Variants in PTK2 observed in about 807,000 individuals in gnomAD.
PTK2 encodes protein tyrosine kinase 2.
PTK2 carries 45 observed loss-of-function variants against 150.1 expected under a neutral mutation model. That is an observed-to-expected ratio of 0.30 (90% CI 0.24 to 0.38). PTK2 has a LOEUF of 0.38. Among genes scored for constraint, PTK2 ranks in the 10% least tolerant of loss-of-function variants. The pLI, the probability that PTK2 is intolerant of heterozygous loss-of-function variation, is 1.00. For missense variants in PTK2, 919 were observed against 1,307.3 expected (o/e 0.70, Z 4.58); for synonymous variants, 432 against 449.2 (o/e 0.96, Z 0.48).
intron 12 of PTK2, among the ~76,000 whole-genome samples, chr8:140,794,315 G>A (rs1386593150): frequency 6.6e-6 from 1 of 152,120 alleles, no homozygotes; most frequent in Admixed American, 6.5e-5. Context: ...CACTGCTCTG[G>A]CTGTCATCTT....
At chr8:140,741,731 T>C (rs1056059735) in intron 20 of PTK2, among the ~76,000 whole-genome samples, 6 of 152,138 alleles carry the variant, frequency 3.9e-5, no homozygotes, top group Non-Finnish European at 8.8e-5. Context: ...TCTAGGAATA[T>C]GAAAACATTA....
intron 23 of PTK2, among the ~76,000 whole-genome samples, chr8:140,712,093 T>C (rs1180581623): frequency 6.6e-6 from 1 of 152,192 alleles, no homozygotes; most frequent in African/African-American, 2.4e-5. Context: ...CTAAGAGTTT[T>C]TGTTTATTTG....
chr8:140,935,979 A>G (rs1387477935), intron 1 of PTK2, among the ~76,000 whole-genome samples: 1 of 152,082 alleles, frequency 6.6e-6, no homozygotes, highest in Non-Finnish European at 1.5e-5. Context: ...ATCAGAGCCT[A>G]GGCAACAAAG....
intron 8 of PTK2, among the ~76,000 whole-genome samples, chr8:140,823,839 G>A (rs12542138): frequency 0.43 from 65,040 of 151,994 alleles, 14,716 homozygotes; most frequent in East Asian, 0.56. Flanking sequence ...GCCAGGCCCT[G>A]TATTTTCTTC....
At chr8:140,701,008 C>T (rs746606942) in exon 26 of PTK2, 1 of 1,613,880 alleles carries the variant, frequency 6.2e-7, no homozygotes, top group South Asian at 1.1e-5. Context: ...CTCGCAGGTC[C>T]AATACTGTAG....
intron 1 of PTK2, among the ~76,000 whole-genome samples, chr8:140,979,255 T>A (rs2100190504): frequency 2.8e-5 from 4 of 143,338 alleles, no homozygotes. Flanking sequence ...AACCTTAAAG[T>A]ATTAAAAAAA....
intron 23 of PTK2, among the ~76,000 whole-genome samples, chr8:140,711,765 G>T (rs1396912619): frequency 1.3e-5 from 2 of 152,158 alleles, no homozygotes; most frequent in African/African-American, 4.8e-5. Context: ...ATGCCACCGT[G>T]TCTCCCAATG....
At chr8:140,955,968 A>C (rs949828106) in intron 1 of PTK2, among the ~76,000 whole-genome samples, 2 of 152,186 alleles carry the variant, frequency 1.3e-5, no homozygotes, top group Non-Finnish European at 2.9e-5. Flanking sequence ...GGAAAAGGAG[A>C]GCATCCTTAG....
intron 4 of PTK2, among the ~76,000 whole-genome samples, chr8:140,868,798 C>T (rs936154083): frequency 6.6e-6 from 1 of 152,050 alleles, no homozygotes; most frequent in Non-Finnish European, 1.5e-5. Flanking sequence ...AAGGAACTGT[C>T]TCAGATTAGA....
intron 28 of PTK2, among the ~76,000 whole-genome samples, chr8:140,675,235 G>A (rs1384555521): frequency 2.0e-5 from 3 of 149,540 alleles, no homozygotes; most frequent in Non-Finnish European, 3.0e-5. Context: ...GCGTGATCTC[G>A]GCTCACTGCA....
At chr8:140,847,001 C>A (rs1467079474) in intron 5 of PTK2, among the ~76,000 whole-genome samples, 4 of 152,142 alleles carry the variant, frequency 2.6e-5, no homozygotes, top group Non-Finnish European at 5.9e-5. Context: ...ATAAAATGGT[C>A]TCCTATTAAG....
At chr8:140,820,086 T>G (rs999357555) in intron 8 of PTK2, among the ~76,000 whole-genome samples, 12 of 51,804 alleles carry the variant, frequency 2.3e-4, no homozygotes, top group South Asian at 1.5e-3. Flanking sequence ...GTTTTTTTTT[T>G]TTTTTTTTTT....
At chr8:140,712,558 G>A (rs1258624349) in intron 23 of PTK2, among the ~76,000 whole-genome samples, 1 of 151,966 alleles carries the variant, frequency 6.6e-6, no homozygotes, top group Non-Finnish European at 1.5e-5. Flanking sequence ...AATTAAGGGG[G>A]GAAAAAAGGA....
chr8:140,711,355 T>C (rs1270694226), intron 23 of PTK2, among the ~76,000 whole-genome samples: 2 of 152,140 alleles, frequency 1.3e-5, no homozygotes, highest in African/African-American at 2.4e-5. Flanking sequence ...GATCAGCTCA[T>C]CTTGGCTGCC....
At chr8:140,750,476 T>C (rs1257696321) in intron 17 of PTK2, 1 of 152,050 alleles carries the variant, frequency 6.6e-6, no homozygotes, top group Non-Finnish European at 1.5e-5. Flanking sequence ...TTAGGAATCA[T>C]TAGGAAGAAA....
intron 26 of PTK2, among the ~76,000 whole-genome samples, chr8:140,697,598 T>C (rs1259793440): frequency 6.6e-6 from 1 of 152,046 alleles, no homozygotes; most frequent in Non-Finnish European, 1.5e-5. Flanking sequence ...GCCAGTTTTG[T>C]ATTTCAGTAC....
chr8:140,673,621 C>T (rs980386016), intron 29 of PTK2, among the ~76,000 whole-genome samples: 1 of 152,178 alleles, frequency 6.6e-6, no homozygotes. Context: ...GAAGAGCCTC[C>T]TCCGTCAGAT....
intron 4 of PTK2, among the ~76,000 whole-genome samples, chr8:140,873,377 C>T (rs1160170852): frequency 1.3e-5 from 2 of 152,054 alleles, no homozygotes; most frequent in East Asian, 1.9e-4. Context: ...GTTGACAGTG[C>T]CTTCTATGTT....
chr8:140,682,549 C>A (rs527934418), intron 27 of PTK2, among the ~76,000 whole-genome samples: 2 of 151,192 alleles, frequency 1.3e-5, no homozygotes, highest in South Asian at 2.1e-4. Flanking sequence ...TATTAAACAA[C>A]AGAATATAAA....
Sources: allele counts gnomAD v4.1 joint callset (sites outside exome capture counted in the v4.1 genomes callset), GRCh38; gene constraint gnomAD v4.1.1; transcripts MANE v1.5; gene names NCBI Gene and HGNC (gene_info 2026-07-23, HGNC 2026-07-21).